The following ARL8B variants were observed in gnomAD, a reference collection of about 807,000 sequenced individuals.
The protein encoded by ARL8B is ARF like GTPase 8B.
A neutral mutation model predicts 30.6 loss-of-function variants in ARL8B; 9 were observed. The observed-to-expected ratio is 0.29, with a 90% CI of 0.18 to 0.51. The LOEUF is 0.51. ARL8B is among the 20% of genes least tolerant of loss of function. The pLI, the probability that ARL8B is intolerant of heterozygous loss-of-function variation, is 0.97. For missense variants in ARL8B, 130 were observed against 227.2 expected (o/e 0.57, Z 2.75); for synonymous variants, 74 against 76.0 (o/e 0.97, Z 0.14).
At chr3:5,137,507 G>C (rs1339482850) in intron 1 of ARL8B, among the ~76,000 whole-genome samples, 1 of 141,522 alleles carries the variant, frequency 7.1e-6, no homozygotes. Flanking sequence ...GTTTGATCTT[G>C]GCTCACTGCA....
At chr3:5,131,671 G>A (rs1031527929) in intron 1 of ARL8B, among the ~76,000 whole-genome samples, 1 of 152,170 alleles carries the variant, frequency 6.6e-6, no homozygotes, top group Non-Finnish European at 1.5e-5. Flanking sequence ...GATTACAGGT[G>A]TGAGCCACTG....
rs77794291 is a variant in ARL8B at position 5,175,165 on chromosome 3, A to G, written c.511+751A>G. Among the ~76,000 whole-genome samples the G allele has an allele frequency of 3.2e-3, 488 of 152,324 alleles. 3 individuals carry two copies. The highest frequency in any genetic ancestry group is 0.011 in the African/African-American group (462 of 41,560). On this transcript the variant is annotated intron_variant, in intron 6 of 6. Transcript: ENST00000256496. Reference sequence around the variant, plus strand: ...AAATTGCACTTTTAAGCGAAATGACATACAGTAGGCCCTCATTTCGTTCAG... The same window carrying G: ...AAATTGCACTTTTAAGCGAAATGACGTACAGTAGGCCCTCATTTCGTTCAG...
intron 6 of ARL8B, among the ~76,000 whole-genome samples, chr3:5,176,093 A>T (rs1420768725): frequency 6.6e-6 from 1 of 152,186 alleles, no homozygotes; most frequent in African/African-American, 2.4e-5. Flanking sequence ...TGATAAATGA[A>T]TGTATTGGAA....
intron 1 of ARL8B, among the ~76,000 whole-genome samples, chr3:5,145,771 C>T (rs1047976214): frequency 1.3e-4 from 20 of 152,156 alleles, no homozygotes; most frequent in African/African-American, 4.8e-4. Flanking sequence ...TAACCTACAA[C>T]AGCCAGTTAA....
intron 1 of ARL8B, among the ~76,000 whole-genome samples, chr3:5,166,833 T>C (rs1234676528): frequency 6.6e-6 from 1 of 152,254 alleles, no homozygotes; most frequent in Non-Finnish European, 1.5e-5. Flanking sequence ...TAGAACTTTC[T>C]AGGACAAGGT....
At chr3:5,153,777 T>C (rs1259849290) in intron 1 of ARL8B, among the ~76,000 whole-genome samples, 1 of 152,254 alleles carries the variant, frequency 6.6e-6, no homozygotes, top group Non-Finnish European at 1.5e-5. Flanking sequence ...GTTTCTCTTA[T>C]GCCTGGAGAA....
At chr3:5,149,932 G>A (rs895159749) in intron 1 of ARL8B, among the ~76,000 whole-genome samples, 1 of 152,224 alleles carries the variant, frequency 6.6e-6, no homozygotes, top group Non-Finnish European at 1.5e-5. Context: ...CCTTTAGTTT[G>A]TAGAACTTTG....
chr3:5,172,589 A>G, intron 3 of ARL8B, 58 bp from the exon 4 acceptor site: 1 of 1,087,104 alleles, frequency 9.2e-7, no homozygotes. Context: ...CAATAATACT[A>G]GTTGTCATCA....
rs114651050 is a variant in ARL8B at position 5,168,710 on chromosome 3, C to A, written c.124-1793C>A. On this transcript the variant is annotated intron_variant, in intron 1 of 6. Transcript: ENST00000256496. Reference sequence around the variant, plus strand: ...GTTTTCTTGTTTTGCAATAGATAAACTGACCCAGAAACATTGAGAACACAT... The same window carrying A: ...GTTTTCTTGTTTTGCAATAGATAAAATGACCCAGAAACATTGAGAACACAT... Among the ~76,000 whole-genome samples, 1,409 of 152,294 alleles carry A rather than the reference C, an allele frequency of 9.3e-3. 20 individuals are homozygous for A. The highest frequency in any genetic ancestry group is 0.032 in the African/African-American group (1,310 of 41,556).
intron 1 of ARL8B, among the ~76,000 whole-genome samples, chr3:5,131,971 C>T (rs143957731): frequency 1.3e-5 from 2 of 152,326 alleles, no homozygotes; most frequent in African/African-American, 4.8e-5. Flanking sequence ...GCTGCCTCAA[C>T]CTCTTGGGTT....
chr3:5,130,043 T>A (rs545988827), intron 1 of ARL8B, among the ~76,000 whole-genome samples: 4 of 151,814 alleles, frequency 2.6e-5, no homozygotes, highest in Non-Finnish European at 5.9e-5. Flanking sequence ...TTTGTATTTT[T>A]AGTAGAGACA....
At chr3:5,135,870 T>C (rs548618149) in intron 1 of ARL8B, among the ~76,000 whole-genome samples, 1 of 151,162 alleles carries the variant, frequency 6.6e-6, no homozygotes, top group African/African-American at 2.4e-5. Flanking sequence ...CACTGCAACC[T>C]CCACCTCCCA....
At chr3:5,143,657 T>G (rs1409363643) in intron 1 of ARL8B, among the ~76,000 whole-genome samples, 5 of 152,230 alleles carry the variant, frequency 3.3e-5, no homozygotes, top group Non-Finnish European at 7.3e-5. Context: ...CATAGGGACC[T>G]TCTCAGGTTG....
intron 1 of ARL8B, among the ~76,000 whole-genome samples, chr3:5,122,846 C>CG (rs1340161573): frequency 6.6e-6 from 1 of 152,334 alleles, no homozygotes; most frequent in African/African-American, 2.4e-5. Flanking sequence ...CTCAACGCCG[C>CG]GGGGGCTCGG....
chr3:5,127,447 C>G (rs1053662145), intron 1 of ARL8B, among the ~76,000 whole-genome samples: 2 of 152,096 alleles, frequency 1.3e-5, no homozygotes, highest in Non-Finnish European at 2.9e-5. Context: ...GTAATGAGTA[C>G]TGTGTGTCTC....
chr3:5,143,512 C>T (rs1263277428), intron 1 of ARL8B, among the ~76,000 whole-genome samples: 1 of 152,218 alleles, frequency 6.6e-6, no homozygotes, highest in Non-Finnish European at 1.5e-5. Context: ...TCCCGTAGCA[C>T]AGGTGATCCA....
intron 1 of ARL8B, among the ~76,000 whole-genome samples, chr3:5,147,363 T>C (rs964697731): frequency 5.9e-5 from 9 of 152,228 alleles, no homozygotes; most frequent in African/African-American, 2.2e-4. Flanking sequence ...TCCTTTTTTA[T>C]GGCTGCATAG....
At chr3:5,174,270 G>T (rs2054705298) in intron 5 of ARL8B, 74 bp from the exon 6 acceptor site, 2 of 1,164,340 alleles carry the variant, frequency 1.7e-6, no homozygotes, top group South Asian at 1.3e-5. Flanking sequence ...TAAAACTAAT[G>T]AGTAAAATTG....
At chr3:5,155,674 C>G (rs57731881) in intron 1 of ARL8B, among the ~76,000 whole-genome samples, 3 of 125,088 alleles carry the variant, frequency 2.4e-5, no homozygotes, top group South Asian at 2.7e-4. Context: ...CGTGCCCCCC[C>G]ACCCCCGCCT....
Sources: gnomAD v4.1 joint callset for allele counts (sites outside exome capture counted in the v4.1 genomes callset) on GRCh38, gnomAD v4.1.1 for gene constraint, MANE v1.5 for transcripts, NCBI Gene and HGNC (gene_info 2026-07-23, HGNC 2026-07-21) for gene names.